The following TLN2 variants were observed in gnomAD, a reference collection of about 807,000 sequenced individuals.
The protein encoded by TLN2 is talin-2.
Under a neutral mutation model 294.7 loss-of-function variants are expected in TLN2, and 118 were observed. That is an observed-to-expected ratio of 0.40 (90% CI 0.34 to 0.47). The LOEUF (loss-of-function observed/expected upper bound fraction) is 0.47. Among genes scored for constraint, TLN2 ranks in the 20% least tolerant of loss-of-function variants. The pLI is 0.84. For missense variants in TLN2, 3,083 were observed against 3,282.2 expected, an observed-to-expected ratio of 0.94 and a Z score of 1.48; for synonymous variants, 1,431 against 1,304.5, an observed-to-expected ratio of 1.10 and a Z score of -2.09.
chr15:62,657,685 G>A, intron 8 of TLN2, 86 bp from the exon 9 acceptor site: 3 of 1,528,302 alleles, frequency 2.0e-6, no homozygotes, highest in Non-Finnish European at 2.6e-6. Context: ...TCCACAGAGG[G>A]TGTACTGGGC....
chr15:62,642,196 ATT>A (rs2051198493), intron 3 of TLN2, among the ~76,000 whole-genome samples: 2 of 152,360 alleles, frequency 1.3e-5, no homozygotes, highest in South Asian at 4.1e-4. Flanking sequence ...GGTTTTATGA[ATT>A]TATACCCAGT....
chr15:62,599,952 G>T (rs1014762728), intron 2 of TLN2, among the ~76,000 whole-genome samples: 1 of 152,140 alleles, frequency 6.6e-6, no homozygotes, highest in Admixed American at 6.5e-5. Context: ...TTGTTCTGTT[G>T]TGTTTACATG....
At chr15:62,559,546 C>A (rs981021712) in intron 1 of TLN2, among the ~76,000 whole-genome samples, 2 of 152,180 alleles carry the variant, frequency 1.3e-5, no homozygotes, top group East Asian at 1.9e-4. Context: ...TTCTTGTGCT[C>A]GTGCCACCTA....
At chr15:62,701,434 A>C (rs1436400657) in intron 17 of TLN2, among the ~76,000 whole-genome samples, 1 of 152,168 alleles carries the variant, frequency 6.6e-6, no homozygotes, top group African/African-American at 2.4e-5. Flanking sequence ...ATGCATCCTC[A>C]TTAAAAAGCA....
intron 1 of TLN2, among the ~76,000 whole-genome samples, chr15:62,450,722 G>A (rs2036085955): frequency 6.6e-6 from 1 of 152,038 alleles, no homozygotes; most frequent in African/African-American, 2.4e-5. Flanking sequence ...ACTAGCTCCT[G>A]TGTGCTACTA....
At chr15:62,825,025 A>G (rs937415) in intron 54 of TLN2, among the ~76,000 whole-genome samples, 141,151 of 152,198 alleles carry the variant, frequency 0.93, 65,639 homozygotes, top group Non-Finnish European at 0.95. Flanking sequence ...TGACAGGGTC[A>G]CCAACAGCAA....
intron 1 of TLN2, among the ~76,000 whole-genome samples, chr15:62,481,226 T>TC (rs1373591124): frequency 1.3e-5 from 2 of 152,036 alleles, no homozygotes; most frequent in East Asian, 3.8e-4. Context: ...TTTTTCTTTT[T>TC]TTTTTCTCTT....
intron 1 of TLN2, among the ~76,000 whole-genome samples, chr15:62,502,206 G>A (rs2039345612): frequency 6.6e-6 from 1 of 152,148 alleles, no homozygotes; most frequent in Admixed American, 6.5e-5. Context: ...CTCCTTTTGT[G>A]TTTTCATTTT....
intron 28 of TLN2, among the ~76,000 whole-genome samples, chr15:62,730,230 C>T (rs1309386951): frequency 6.6e-6 from 1 of 151,844 alleles, no homozygotes; most frequent in Non-Finnish European, 1.5e-5. Flanking sequence ...TTAGTAGAGA[C>T]GGGGTTTCAC....
chr15:62,582,219 C>CACACACACCCACAT (rs2045139048), intron 1 of TLN2, among the ~76,000 whole-genome samples: 1 of 135,312 alleles, frequency 7.4e-6, no homozygotes, highest in Non-Finnish European at 1.6e-5. Flanking sequence ...CACACACACA[C>CACACACACCCACAT]ACACACACAC....
rs577283005 is a variant in TLN2 at position 62,594,298 on chromosome 15, C to T, written c.-162+4536C>T. 3.3e-5 allele frequency among the ~76,000 whole-genome samples: 5 copies of T among 152,312 alleles called. No individual in the cohort carries two copies. The South Asian group carries it at 1.0e-3, about 32-fold the overall frequency. The stretch of plus-strand genomic sequence containing the variant: ...TCCTGACTCACTGCAGCCTTGACCT[C>T]CTAGGCACAAGTGATCCTTTCACTG... On this transcript the variant is annotated intron_variant, in intron 2 of 58. Coordinates refer to ENST00000636159, the MANE Select transcript of TLN2 (RefSeq NM_015059.3).
Position 62,762,471 on chromosome 15 carries a change from A to T in TLN2, c.4961+18A>T. 6.2e-7 allele frequency: 1 copy of T among 1,610,884 alleles called. No homozygotes were observed. The highest frequency in any genetic ancestry group is 8.5e-7 in the Non-Finnish European group (1 of 1,177,780). On this transcript the variant is annotated intron_variant, in intron 39 of 58. Transcript: ENST00000636159. The stretch of plus-strand genomic sequence containing the variant: ...TCTATCAGGTCAGTTTCCCATCCGG[A>T]GGTTGCTGCCAGCCTGCATCTCAGC...
intron 32 of TLN2, among the ~76,000 whole-genome samples, 162 bp from the exon 33 acceptor site, chr15:62,748,189 T>G (rs960241927): frequency 9.2e-5 from 14 of 151,870 alleles, no homozygotes; most frequent in African/African-American, 3.4e-4. Flanking sequence ...CTTCCCTGGG[T>G]GTGGTTTATT....
At chr15:62,587,706 T>C (rs908936386) in intron 1 of TLN2, among the ~76,000 whole-genome samples, 4 of 152,156 alleles carry the variant, frequency 2.6e-5, no homozygotes, top group Admixed American at 6.5e-5. Context: ...AGAAGTAGGA[T>C]TGCTGAATCA....
chr15:62,406,111 A>G (rs961050702), intron 1 of TLN2, among the ~76,000 whole-genome samples: 2 of 152,156 alleles, frequency 1.3e-5, no homozygotes, highest in Non-Finnish European at 2.9e-5. Context: ...GACGGATTGT[A>G]TTAGTTTTCT....
At chr15:62,753,186 C>T (rs2062030641) in intron 35 of TLN2, among the ~76,000 whole-genome samples, 1 of 152,174 alleles carries the variant, frequency 6.6e-6, no homozygotes, top group African/African-American at 2.4e-5. Context: ...CTCTTGGGAA[C>T]CAAATGCTGC....
At chr15:62,555,457 T>G (rs1398132409) in intron 1 of TLN2, among the ~76,000 whole-genome samples, 1 of 152,338 alleles carries the variant, frequency 6.6e-6, no homozygotes, top group East Asian at 1.9e-4. Flanking sequence ...GTGTCCCTCC[T>G]CAGAAGATCC....
At chr15:62,700,420 C>T (rs1003157923) in intron 16 of TLN2, among the ~76,000 whole-genome samples, 2 of 152,142 alleles carry the variant, frequency 1.3e-5, no homozygotes, top group South Asian at 2.1e-4. Flanking sequence ...TTCAAATAAA[C>T]GTAAAGTATA....
intron 1 of TLN2, among the ~76,000 whole-genome samples, chr15:62,546,253 G>A (rs2041987699): frequency 6.6e-6 from 1 of 152,288 alleles, no homozygotes; most frequent in East Asian, 1.9e-4. Flanking sequence ...TGATGAAATC[G>A]ATTCTTGCTG....
Sources: allele counts gnomAD v4.1 joint callset (sites outside exome capture counted in the v4.1 genomes callset), GRCh38; gene constraint gnomAD v4.1.1; transcripts MANE v1.5; gene names NCBI Gene and HGNC (gene_info 2026-07-23, HGNC 2026-07-21).